The following UCK2 variants were observed in gnomAD, a reference collection of about 807,000 sequenced individuals.
The protein encoded by UCK2 is cytidine monophosphokinase 2.
In UCK2, 6 loss-of-function variants were observed where a neutral mutation model predicts 30.8. That is an observed-to-expected ratio of 0.19 (90% confidence interval 0.11 to 0.38). UCK2 has a LOEUF of 0.38. Ranked by LOEUF, UCK2 falls within the 10% of genes least tolerant of loss-of-function variation. The pLI is 1.00. For synonymous variants in UCK2, 125 were observed against 133.6 expected, an observed-to-expected ratio of 0.94 and a Z score of 0.45; for missense variants, 210 against 339.8, an observed-to-expected ratio of 0.62 and a Z score of 3.00.
intron 1 of UCK2, among the ~76,000 whole-genome samples, chr1:165,877,671 A>G (rs987747961): frequency 6.6e-6 from 1 of 152,236 alleles, no homozygotes; most frequent in Non-Finnish European, 1.5e-5. Context: ...AATGAAGGCC[A>G]TCTGGGTGGC....
At chr1:165,878,450 C>T (rs1322736401) in intron 1 of UCK2, among the ~76,000 whole-genome samples, 1 of 151,962 alleles carries the variant, frequency 6.6e-6, no homozygotes, top group East Asian at 1.9e-4. Context: ...CCTGCCTTAG[C>T]CTCCTGAGTA....
intron 3 of UCK2, chr1:165,894,090 A>G (rs1049275671): frequency 6.6e-6 from 1 of 152,202 alleles, no homozygotes; most frequent in African/African-American, 2.4e-5. Flanking sequence ...GGCTCATTGT[A>G]GATCCTCTCT....
chr1:165,866,636 T>G (rs1286091577), intron 1 of UCK2, among the ~76,000 whole-genome samples: 1 of 152,262 alleles, frequency 6.6e-6, no homozygotes, highest in East Asian at 1.9e-4. Context: ...TTTCATCTTC[T>G]CTAACTTAAA....
chr1:165,853,613 A>G (rs1654655853), intron 1 of UCK2, among the ~76,000 whole-genome samples: 1 of 152,048 alleles, frequency 6.6e-6, no homozygotes, highest in African/African-American at 2.4e-5. Context: ...CCCTCACTAA[A>G]CATCATCCTT....
Position 165,852,670 on chromosome 1 carries a change from A to G in UCK2, c.99+24738A>G, listed in dbSNP as rs547388335. ...AAAAGGCTTCCAGAGCAGGGGACCC[A>G]TATATTTAGTCCCATAGAACACATC... is the stretch of plus-strand genomic sequence containing the variant. On this transcript the variant is annotated intron_variant, in intron 1 of 6. Coordinates refer to ENST00000367879, the MANE Select transcript of UCK2 (RefSeq NM_012474.5). Among the ~76,000 whole-genome samples the G allele has an allele frequency of 1.1e-4, 16 of 152,320 alleles. 1 individual carries two copies. In the East Asian group the frequency reaches 3.1e-3, roughly 29 times the overall value.
intron 1 of UCK2, among the ~76,000 whole-genome samples, chr1:165,849,112 A>G (rs190440800): frequency 6.6e-5 from 10 of 152,276 alleles, no homozygotes; most frequent in African/African-American, 2.2e-4. Flanking sequence ...AGGGAAGAGC[A>G]GAGGTTTCTT....
At position 165,911,572 on chromosome 1, in the gene UCK2, GACCACATATTAT is replaced by G; in HGVS notation, c.*3750_*3761del. ...CCTTTATTGTTAGTGGTTACAAAGT[GACCACATATTAT>G]GTACTTTGCTGTAAATAAAGACAGA... On this transcript the variant is annotated 3_prime_UTR_variant, in exon 7 of 7. Transcript: ENST00000367879. 1 of 152,126 alleles carries G rather than the reference GACCACATATTAT, an allele frequency of 6.6e-6. No homozygotes were observed. Among genetic ancestry groups the G allele is most frequent in the Non-Finnish European group, 1.5e-5 (1 of 68,016 alleles). 9.4% of individuals were successfully genotyped at this position (152,126 alleles called of 1,614,324 possible).
At chr1:165,877,658 C>G (rs1022997043) in intron 1 of UCK2, among the ~76,000 whole-genome samples, 1 of 152,132 alleles carries the variant, frequency 6.6e-6, no homozygotes, top group Admixed American at 6.5e-5. Flanking sequence ...TAACCATCGG[C>G]GTAATGAAGG....
chr1:165,903,276 G>A lies in UCK2; in HGVS notation c.594G>A (p.Leu198=), dbSNP rs775538753. 1 of 1,613,220 alleles carries A rather than the reference G, an allele frequency of 6.2e-7. No individual in the cohort carries two copies. Residue 198 remains leucine (L), a synonymous_variant, in exon 5 of 7, where the codon TTG becomes TTA. Coordinates refer to ENST00000367879, the MANE Select transcript of UCK2 (RefSeq NM_012474.5). ...AGCCTGCCTTTGAGGAATTCTGCTT[G>A]CCAGTGAGTTGTGTTCTTGGTTTGT... ...FVKPAFEEFC[L]PTKKYADVII... is the part of the protein sequence containing the mutation.
At chr1:165,875,581 A>C (rs1287313220) in intron 1 of UCK2, among the ~76,000 whole-genome samples, 1 of 152,212 alleles carries the variant, frequency 6.6e-6, no homozygotes, top group African/African-American at 2.4e-5. Context: ...CAGACATGCA[A>C]ACCTGAGCCT....
intron 2 of UCK2, 124 bp downstream of exon 2, chr1:165,890,487 T>A: frequency 2.1e-6 from 2 of 938,700 alleles, no homozygotes; most frequent in Non-Finnish European, 3.2e-6. Context: ...CGTAGGGACT[T>A]GATAACTACC....
At position 165,896,328 on chromosome 1, in the gene UCK2, C is replaced by G; in HGVS notation, c.495C>G (p.Arg165=). ...CAGATGCGGACACCCGGCTCTCACG[C>G]AGAGGTGCGTTCTAAAAGCCTCAGG... ...VDTDADTRLS[R]RVLRDISERG... The change falls in exon 4 of 7, where the codon CGC becomes CGG. Residue 165 remains arginine, a synonymous_variant. Coordinates refer to ENST00000367879, the MANE Select transcript of UCK2 (RefSeq NM_012474.5). 3 of 1,614,032 alleles carry G rather than the reference C, an allele frequency of 1.9e-6. No homozygotes were observed. The highest frequency in any genetic ancestry group is 2.5e-6 in the Non-Finnish European group (3 of 1,180,020).
chr1:165,838,514 C>T (rs1654251289), intron 1 of UCK2, among the ~76,000 whole-genome samples: 1 of 152,164 alleles, frequency 6.6e-6, no homozygotes, highest in Admixed American at 6.5e-5. Flanking sequence ...ACATTAGACA[C>T]TCAAATATCT....
chr1:165,880,827 G>C (rs909776535), intron 1 of UCK2, among the ~76,000 whole-genome samples: 3 of 152,048 alleles, frequency 2.0e-5, no homozygotes, highest in African/African-American at 7.2e-5. Flanking sequence ...GGTGAGCCTA[G>C]AACTTGGTCT....
intron 1 of UCK2, among the ~76,000 whole-genome samples, chr1:165,839,402 G>C (rs1436509905): frequency 6.6e-6 from 1 of 152,142 alleles, no homozygotes; most frequent in Non-Finnish European, 1.5e-5. Flanking sequence ...TTGGCCATTT[G>C]ATTTCTGGAG....
intron 1 of UCK2, among the ~76,000 whole-genome samples, chr1:165,871,167 G>T (rs186378001): frequency 3.9e-3 from 588 of 152,138 alleles, no homozygotes; most frequent in South Asian, 0.011. Flanking sequence ...TGAATTTTTT[G>T]TGTGTGCGTG....
intron 1 of UCK2, among the ~76,000 whole-genome samples, chr1:165,831,375 C>A (rs184589472): frequency 1.8e-4 from 28 of 152,300 alleles, no homozygotes; most frequent in African/African-American, 6.5e-4. Flanking sequence ...CGTAGCAAGA[C>A]CCCATCTCAA....
chr1:165,894,350 G>C (rs1427693654), intron 3 of UCK2: 2 of 152,074 alleles, frequency 1.3e-5, no homozygotes, highest in East Asian at 1.9e-4. Flanking sequence ...CCTAGAGAGT[G>C]GCTCACTATT....
At chr1:165,828,207 C>T (rs1043908410) in intron 1 of UCK2, among the ~76,000 whole-genome samples, 1 of 152,120 alleles carries the variant, frequency 6.6e-6, no homozygotes, top group African/African-American at 2.4e-5. Flanking sequence ...GCGTTAATAA[C>T]TCGTGGCCGG....
Sources: gnomAD v4.1 joint callset for allele counts (sites outside exome capture counted in the v4.1 genomes callset) on GRCh38, gnomAD v4.1.1 for gene constraint, MANE v1.5 for transcripts, NCBI Gene and HGNC (gene_info 2026-07-23, HGNC 2026-07-21) for gene names.